The following OR51B5 variants were observed in gnomAD, a reference collection of about 807,000 sequenced individuals.
The protein encoded by OR51B5 is olfactory receptor family 51 subfamily B member 5, also known as olfactory receptor 51B5.
For missense variants in OR51B5, 456 were observed against 374.6 expected, an observed-to-expected ratio of 1.22 and a Z score of -1.79; for synonymous variants, 186 against 144.8, an observed-to-expected ratio of 1.28 and a Z score of -2.04.
At chr11:5,403,124 C>A (rs1417838953) in intron 1 of OR51B5, 1 of 471,254 alleles carries the variant, frequency 2.1e-6, no homozygotes, top group Non-Finnish European at 4.4e-6. Context: ...GGCCACAATG[C>A]CCTCTCACAT....
upstream of OR51B5, among the ~76,000 whole-genome samples, chr11:5,344,646 T>C (rs142603794): frequency 7.0e-4 from 107 of 152,330 alleles, no homozygotes; most frequent in African/African-American, 2.5e-3. Flanking sequence ...GCTCAACACC[T>C]TGCAAAGTAT....
At chr11:5,488,035 A>G (rs1312087754) in intron 1 of OR51B5, among the ~76,000 whole-genome samples, 3 of 152,136 alleles carry the variant, frequency 2.0e-5, no homozygotes, top group African/African-American at 7.2e-5. Context: ...ATGCATCATT[A>G]TATCATTAAT....
chr11:5,432,037 T>G lies in OR51B5; in HGVS notation n.84+73532A>C, dbSNP rs1422079814. Among the ~76,000 whole-genome samples, 4 of 152,302 alleles carry G rather than the reference T, an allele frequency of 2.6e-5. No individual in the cohort carries two copies. In the East Asian group the frequency reaches 7.7e-4, roughly 29 times the overall value. On this transcript the variant is annotated intron_variant and non_coding_transcript_variant, in intron 1 of 4. Transcript: ENST00000415970. ...TTCTATGTGTTGGGAACATGTCAAA[T>G]TCCTCTCTTTTAGCTACTTTGAAAA...
intron 1 of OR51B5, among the ~76,000 whole-genome samples, chr11:5,369,026 G>A (rs978814480): frequency 6.6e-6 from 1 of 152,116 alleles, no homozygotes; most frequent in Non-Finnish European, 1.5e-5. Context: ...GCCTCCTTCT[G>A]GGACTAGATA....
chr11:5,499,497 G>C (rs568235302), intron 1 of OR51B5, among the ~76,000 whole-genome samples: 1 of 152,248 alleles, frequency 6.6e-6, no homozygotes, highest in East Asian at 1.9e-4. Context: ...ATATTCCTCT[G>C]AATATGCCCA....
chr11:5,406,559 C>A (rs530445511), intron 1 of OR51B5, among the ~76,000 whole-genome samples: 3 of 152,208 alleles, frequency 2.0e-5, no homozygotes, highest in South Asian at 2.1e-4. Flanking sequence ...CTCAACAAGA[C>A]AAAGTTATAA....
chr11:5,342,846 C>CAATGCTCAGGACAGTCTT (rs1175577191), exon 1 of OR51B5: 3 of 1,613,002 alleles, frequency 1.9e-6, no homozygotes, highest in Non-Finnish European at 2.5e-6. Context: ...TCTCTGGAGG[C>CAATGCTCAGGACAGTCTT]AATGCTCAGG....
chr11:5,350,230 A>C (rs988914159), intron 1 of OR51B5, among the ~76,000 whole-genome samples: 6 of 152,206 alleles, frequency 3.9e-5, no homozygotes, highest in Non-Finnish European at 7.3e-5. Context: ...TTATGTAACC[A>C]AATCTCAAGA....
intron 1 of OR51B5, chr11:5,354,723 G>C (rs1263639164): frequency 5.8e-6 from 1 of 171,632 alleles, no homozygotes; most frequent in Non-Finnish European, 1.2e-5. Flanking sequence ...TCTTTGCCAA[G>C]AATGCCTGGA....
rs146258308 is a variant in OR51B5, at chr11:5,429,702, A to G, written n.84+75867T>C. 8.9e-4 allele frequency among the ~76,000 whole-genome samples: 135 copies of G among 152,298 alleles called. 1 individual carries two copies. The highest frequency in any genetic ancestry group is 1.5e-3 in the Non-Finnish European group (102 of 68,026). On this transcript the variant is annotated intron_variant and non_coding_transcript_variant, in intron 1 of 4. Coordinates refer to the OR51B5 transcript ENST00000415970. Reference sequence around the variant, plus strand: ...AGGGGCAGGATGGGGAACAGATAAGAATAAAAGCACCACATGCACGGTAAA... The same window carrying G: ...AGGGGCAGGATGGGGAACAGATAAGGATAAAAGCACCACATGCACGGTAAA...
intron 1 of OR51B5, among the ~76,000 whole-genome samples, chr11:5,493,072 G>C (rs955565179): frequency 6.6e-6 from 1 of 152,190 alleles, no homozygotes; most frequent in African/African-American, 2.4e-5. Context: ...TGGCTGAATG[G>C]AAAAGACATT....
intron 1 of OR51B5, among the ~76,000 whole-genome samples, chr11:5,421,762 T>A (rs1484327105): frequency 2.6e-5 from 4 of 152,148 alleles, no homozygotes; most frequent in Admixed American, 1.3e-4. Context: ...TCAAAGGAGA[T>A]ATTTGGAAAA....
chr11:5,367,072 A>G (rs1849381060), intron 1 of OR51B5, among the ~76,000 whole-genome samples: 1 of 152,228 alleles, frequency 6.6e-6, no homozygotes, highest in Non-Finnish European at 1.5e-5. Flanking sequence ...CATTCTCTCA[A>G]GTCTCAGGAA....
rs527789187 is a variant in OR51B5, at chr11:5,389,473, T to C, written n.85-42563A>G. The C allele has an allele frequency of 2.3e-5, 37 of 1,613,900 alleles. No homozygotes were observed. In the South Asian group the frequency reaches 4.1e-4, roughly 18 times the overall value. On this transcript the variant is annotated intron_variant and non_coding_transcript_variant, in intron 1 of 4. Coordinates refer to the OR51B5 transcript ENST00000415970. ...TTACTCAGTTTAGCCCCATATTCTA[T>C]CTCACCAGCTTTCCTGGATTGGAAG...
At chr11:5,490,397 A>T (rs1174673810) in intron 1 of OR51B5, among the ~76,000 whole-genome samples, 3 of 152,210 alleles carry the variant, frequency 2.0e-5, no homozygotes, top group Non-Finnish European at 2.9e-5. Context: ...AATATTTTTA[A>T]AGTGCTAGAG....
In OR51B5 at chr11:5,361,035, A is replaced by G. The variant is rs536959217; in HGVS notation, n.85-14125T>C. On this transcript the variant is annotated intron_variant and non_coding_transcript_variant, in intron 1 of 4. Transcript: ENST00000415970. Reference sequence around the variant, plus strand: ...GGGATAGCATTAGGAGATATACCTAATGCTAAGTGACGAGTTAATGGGTGC... The same window carrying G: ...GGGATAGCATTAGGAGATATACCTAGTGCTAAGTGACGAGTTAATGGGTGC... 2.6e-5 allele frequency among the ~76,000 whole-genome samples: 4 copies of G among 152,152 alleles called. No homozygotes were observed. In the East Asian group the frequency reaches 7.8e-4, roughly 29 times the overall value.
intron 1 of OR51B5, chr11:5,454,270 T>G (rs113255511): frequency 1.2e-6 from 2 of 1,614,232 alleles, no homozygotes; most frequent in South Asian, 1.1e-5. Context: ...GTCTCCACAG[T>G]GCACCGCTTT....
At chr11:5,361,225 T>C (rs963997100) in intron 1 of OR51B5, among the ~76,000 whole-genome samples, 2 of 152,194 alleles carry the variant, frequency 1.3e-5, no homozygotes, top group African/African-American at 4.8e-5. Flanking sequence ...ATGCTTAAAA[T>C]AAATCTTATT....
chr11:5,454,203 A>ACG (rs2133787938), intron 1 of OR51B5: 1 of 1,613,950 alleles, frequency 6.2e-7, no homozygotes, highest in Non-Finnish European at 8.5e-7. Context: ...CAAAGCTCTC[A>ACG]ACACATGTGT....
Sources: allele counts gnomAD v4.1 joint callset (sites outside exome capture counted in the v4.1 genomes callset), GRCh38; gene constraint gnomAD v4.1.1; transcripts MANE v1.5; gene names NCBI Gene and HGNC (gene_info 2026-07-23, HGNC 2026-07-21).